ERC2: variants seen among roughly 807,000 people sequenced by gnomAD.
ERC2 encodes ERC protein 2.
A neutral mutation model predicts 114.8 loss-of-function variants in ERC2; 42 were observed. That is an observed-to-expected ratio of 0.37 (90% confidence interval 0.29 to 0.47). The LOEUF is 0.47. ERC2 is among the 20% of genes least tolerant of loss of function. The pLI, the probability that ERC2 is intolerant of heterozygous loss-of-function variation, is 0.99. For synonymous variants in ERC2, 454 were observed against 425.5 expected (o/e 1.07, Z -0.82); for missense variants, 939 against 1,150.7 (o/e 0.82, Z 2.66).
chr3:56,383,713 T>C (rs896591785), intron 2 of ERC2, among the ~76,000 whole-genome samples: 5 of 152,182 alleles, frequency 3.3e-5, no homozygotes, highest in African/African-American at 7.2e-5. Context: ...TTTACCATTT[T>C]AACCATCTCA....
At chr3:56,266,300 T>C (rs576399106) in intron 3 of ERC2, among the ~76,000 whole-genome samples, 22 of 151,402 alleles carry the variant, frequency 1.5e-4, no homozygotes, top group African/African-American at 5.1e-4. Context: ...CCAGCTAATT[T>C]TTTGTATTTT....
intron 14 of ERC2, among the ~76,000 whole-genome samples, chr3:55,829,794 A>C (rs1232337599): frequency 2.0e-5 from 3 of 152,284 alleles, no homozygotes; most frequent in African/African-American, 4.8e-5. Flanking sequence ...CAAAGTACTG[A>C]GATTACAGGT....
chr3:55,702,005 T>C (rs561333906), intron 15 of ERC2, among the ~76,000 whole-genome samples: 2 of 152,182 alleles, frequency 1.3e-5, no homozygotes, highest in African/African-American at 4.8e-5. Flanking sequence ...ATTGTAAACA[T>C]CGTAATATCC....
At chr3:56,430,535 C>T (rs1485777341) in intron 2 of ERC2, among the ~76,000 whole-genome samples, 1 of 152,220 alleles carries the variant, frequency 6.6e-6, no homozygotes, top group East Asian at 1.9e-4. Context: ...ACCAAGATAA[C>T]ACTGCACTTT....
At chr3:56,324,678 G>A (rs2057279752) in intron 2 of ERC2, among the ~76,000 whole-genome samples, 2 of 152,076 alleles carry the variant, frequency 1.3e-5, no homozygotes, top group African/African-American at 2.4e-5. Flanking sequence ...CAAACCATGA[G>A]TTCATGCTGA....
At chr3:56,158,220 G>A (rs2081844885) in intron 4 of ERC2, among the ~76,000 whole-genome samples, 1 of 152,178 alleles carries the variant, frequency 6.6e-6, no homozygotes, top group Non-Finnish European at 1.5e-5. Flanking sequence ...AGAAGAGTGA[G>A]AGCCAGTGGG....
At chr3:56,320,901 A>G (rs1014527603) in intron 2 of ERC2, among the ~76,000 whole-genome samples, 1 of 152,176 alleles carries the variant, frequency 6.6e-6, no homozygotes, top group Non-Finnish European at 1.5e-5. Flanking sequence ...TTCATGTTAA[A>G]TATCCTTCAG....
At chr3:55,992,318 C>A in intron 10 of ERC2, 68 bp from the exon 11 acceptor site, 1 of 1,351,638 alleles carries the variant, frequency 7.4e-7, no homozygotes, top group African/African-American at 1.5e-5. Context: ...GTGCTGTCAC[C>A]AATGGTCCAG....
intron 2 of ERC2, among the ~76,000 whole-genome samples, chr3:56,418,549 A>G (rs1425689160): frequency 6.6e-6 from 1 of 152,212 alleles, no homozygotes; most frequent in African/African-American, 2.4e-5. Flanking sequence ...TGCTTTGCTC[A>G]CATAAAAATA....
chr3:56,446,853 C>G (rs2062599294), intron 1 of ERC2, among the ~76,000 whole-genome samples: 2 of 151,962 alleles, frequency 1.3e-5, no homozygotes, highest in African/African-American at 4.8e-5. Context: ...TCTCGAACTC[C>G]TGACCTCAAG....
chr3:55,832,814 T>C (rs1381049509), intron 14 of ERC2, among the ~76,000 whole-genome samples: 2 of 152,192 alleles, frequency 1.3e-5, no homozygotes, highest in African/African-American at 4.8e-5. Context: ...TACTCTGAGC[T>C]ACAGGAGGAA....
chr3:56,251,798 C>T (rs756934636), intron 3 of ERC2, among the ~76,000 whole-genome samples: 2 of 152,214 alleles, frequency 1.3e-5, no homozygotes, highest in Admixed American at 6.5e-5. Context: ...GGAGACGTGG[C>T]ATTCCGCACT....
chr3:56,288,647 G>A (rs1019655900), intron 3 of ERC2, among the ~76,000 whole-genome samples: 10 of 152,232 alleles, frequency 6.6e-5, no homozygotes, highest in Admixed American at 1.3e-4. Context: ...TCAGAAATGT[G>A]AGGATAAAAA....
chr3:55,861,581 A>AT lies in ERC2; in HGVS notation c.2564+26807dup, dbSNP rs898589349. 3.3e-3 allele frequency among the ~76,000 whole-genome samples: 493 copies of AT among 151,664 alleles called. 8 individuals carry two copies. Among genetic ancestry groups the AT allele is most frequent in the East Asian group, 0.014 (70 of 5,162 alleles). ...TTTTAATTACTCTAAAGTTATCCTA[A>AT]TTTTTTTTTCATTTCTCTCTCTCTC... is the stretch of plus-strand genomic sequence containing the variant. On this transcript the variant is annotated intron_variant, in intron 14 of 17. Transcript: ENST00000288221.
At chr3:55,615,361 A>G (rs2059079877) in intron 17 of ERC2, among the ~76,000 whole-genome samples, 1 of 152,244 alleles carries the variant, frequency 6.6e-6, no homozygotes, top group South Asian at 2.1e-4. Context: ...ATCATATTAG[A>G]ATTACAACTA....
intron 14 of ERC2, among the ~76,000 whole-genome samples, chr3:55,828,850 A>G (rs2149176878): frequency 6.6e-6 from 1 of 152,292 alleles, no homozygotes; most frequent in East Asian, 1.9e-4. Context: ...AATGTTCAAA[A>G]TATTCAGGCC....
intron 14 of ERC2, among the ~76,000 whole-genome samples, chr3:55,848,934 G>T (rs528415416): frequency 1.3e-4 from 20 of 152,158 alleles, no homozygotes; most frequent in East Asian, 1.9e-4. Context: ...CAGTTTTTTT[G>T]TTGTTGTTGT....
chr3:55,947,309 T>C (rs1014833032), intron 13 of ERC2, among the ~76,000 whole-genome samples: 1 of 152,176 alleles, frequency 6.6e-6, no homozygotes, highest in Non-Finnish European at 1.5e-5. Flanking sequence ...AAATTTTTCA[T>C]TATGCATATG....
In ERC2 at chr3:56,081,677, T is replaced by C. The variant is rs140728275; in HGVS notation, c.1474-693A>G. Among the ~76,000 whole-genome samples, 1,024 of 151,678 alleles carry C rather than the reference T, an allele frequency of 6.8e-3. 11 individuals carry two copies. The highest frequency in any genetic ancestry group is 0.023 in the African/African-American group (968 of 41,392). ...CAAATGTTGTTAATAAAAAAGAAAA[T>C]ATAAGTTTTTTTTTTAATTTAACAT... On this transcript the variant is annotated intron_variant, in intron 6 of 17. Transcript: ENST00000288221.
Sources: gnomAD v4.1 joint callset for allele counts (sites outside exome capture counted in the v4.1 genomes callset) on GRCh38, gnomAD v4.1.1 for gene constraint, MANE v1.5 for transcripts, NCBI Gene and HGNC (gene_info 2026-07-23, HGNC 2026-07-21) for gene names.